CPXM2: variants seen among roughly 807,000 people sequenced by gnomAD.
The protein encoded by CPXM2 is inactive carboxypeptidase-like protein X2.
Under a neutral mutation model 86.1 loss-of-function variants are expected in CPXM2, and 66 were observed. That is an observed-to-expected ratio of 0.77 (90% CI 0.63 to 0.94). The LOEUF (loss-of-function observed/expected upper bound fraction) is 0.94, where lower values mean the gene tolerates loss of function less well. Ranked by LOEUF, CPXM2 falls within the 40% of genes least tolerant of loss-of-function variation. CPXM2 has a pLI of 0.00. For missense variants in CPXM2, 948 were observed against 1,026.3 expected (o/e 0.92, Z 1.04); for synonymous variants, 388 against 400.2 (o/e 0.97, Z 0.36).
At chr10:123,808,769 CA>C (rs1847632264) in intron 4 of CPXM2, among the ~76,000 whole-genome samples, 1 of 152,018 alleles carries the variant, frequency 6.6e-6, no homozygotes, top group South Asian at 2.1e-4. Flanking sequence ...GCAGCATAAA[CA>C]AAAAGCAACA....
chr10:123,892,754 G>T (rs1945295571), upstream of CPXM2, among the ~76,000 whole-genome samples: 1 of 152,210 alleles, frequency 6.6e-6, no homozygotes, highest in African/African-American at 2.4e-5. Context: ...GGCTCACTCA[G>T]GTATTGGCTG....
At chr10:123,747,466 A>T (rs1246176869) in intron 13 of CPXM2, among the ~76,000 whole-genome samples, 3 of 152,146 alleles carry the variant, frequency 2.0e-5, no homozygotes, top group Non-Finnish European at 4.4e-5. Flanking sequence ...CTGGAAAGAG[A>T]AGGAAAGGAC....
intron 6 of CPXM2, among the ~76,000 whole-genome samples, chr10:123,781,359 G>A (rs985365777): frequency 6.6e-6 from 1 of 152,184 alleles, no homozygotes; most frequent in African/African-American, 2.4e-5. Context: ...AGAACACAGG[G>A]CAGAGAGGAG....
chr10:123,941,043 T>C (rs995372871), upstream of CPXM2, among the ~76,000 whole-genome samples: 18 of 152,062 alleles, frequency 1.2e-4, no homozygotes, highest in East Asian at 3.9e-4. Flanking sequence ...TGCTGGTGGG[T>C]GCCTGTAGTC....
intron 2 of CPXM2, among the ~76,000 whole-genome samples, chr10:123,912,485 T>A: frequency 6.6e-6 from 1 of 152,208 alleles, no homozygotes; most frequent in East Asian, 1.9e-4. Flanking sequence ...GGGCCACCCC[T>A]GCATCTGCAG....
intron 13 of CPXM2, chr10:123,750,204 C>G: frequency 1.0e-6 from 1 of 985,384 alleles, no homozygotes; most frequent in Non-Finnish European, 1.2e-6. Context: ...GATAAGCCCT[C>G]TAATTTTTGA....
chr10:123,899,546 G>A (rs887048380), intron 2 of CPXM2, among the ~76,000 whole-genome samples: 2 of 152,252 alleles, frequency 1.3e-5, no homozygotes, highest in African/African-American at 4.8e-5. Context: ...GCTGGGCATG[G>A]TGGCTCATGC....
intron 2 of CPXM2, among the ~76,000 whole-genome samples, chr10:123,897,078 C>T (rs1256321503): frequency 1.3e-5 from 2 of 150,542 alleles, no homozygotes; most frequent in Non-Finnish European, 3.0e-5. Context: ...CCCCCACCCA[C>T]TTTGGCCCAG....
chr10:123,849,841 C>G (rs565225799), intron 3 of CPXM2, among the ~76,000 whole-genome samples: 20 of 152,278 alleles, frequency 1.3e-4, no homozygotes, highest in African/African-American at 4.8e-4. Context: ...TGCAGCTCAA[C>G]CAATTTTGAC....
intron 2 of CPXM2, among the ~76,000 whole-genome samples, chr10:123,924,620 G>C (rs769539891): frequency 1.2e-4 from 19 of 152,162 alleles, no homozygotes; most frequent in Admixed American, 9.8e-4. Flanking sequence ...GATTTTTATG[G>C]AAGTTTCATC....
intron 2 of CPXM2, among the ~76,000 whole-genome samples, chr10:123,931,945 T>C (rs1049464491): frequency 6.6e-6 from 1 of 152,182 alleles, no homozygotes; most frequent in Non-Finnish European, 1.5e-5. Context: ...GATGCTTTAC[T>C]ATGAAGTAAA....
At chr10:123,842,837 C>T (rs1284893532) in intron 3 of CPXM2, among the ~76,000 whole-genome samples, 1 of 152,200 alleles carries the variant, frequency 6.6e-6, no homozygotes, top group Non-Finnish European at 1.5e-5. Context: ...GTGAATCGTT[C>T]CCTCCCAGAA....
intron 3 of CPXM2, among the ~76,000 whole-genome samples, chr10:123,851,916 T>C (rs1454015727): frequency 1.3e-5 from 2 of 151,754 alleles, no homozygotes; most frequent in Non-Finnish European, 2.9e-5. Context: ...ACAGATGATG[T>C]AGAGGCTCAC....
intron 3 of CPXM2, among the ~76,000 whole-genome samples, chr10:123,858,673 G>T (rs1482353688): frequency 3.3e-5 from 5 of 152,132 alleles, no homozygotes; most frequent in Non-Finnish European, 7.3e-5. Flanking sequence ...ATGAAATCAC[G>T]TGCATAAGGC....
At chr10:123,764,917 T>C (rs952985512) in intron 10 of CPXM2, among the ~76,000 whole-genome samples, 7 of 152,238 alleles carry the variant, frequency 4.6e-5, no homozygotes, top group African/African-American at 1.7e-4. Context: ...TTTGCTGTAA[T>C]CCACAAATTT....
At chr10:123,769,091 T>G (rs149373844) in intron 8 of CPXM2, among the ~76,000 whole-genome samples, 48 of 152,318 alleles carry the variant, frequency 3.2e-4, no homozygotes, top group Non-Finnish European at 5.9e-4. Context: ...TAAAATAACT[T>G]CCTATTAAGT....
intron 10 of CPXM2, 147 bp downstream of exon 10, chr10:123,766,826 T>C: frequency 1.6e-6 from 1 of 612,700 alleles, no homozygotes; most frequent in Non-Finnish European, 2.9e-6. Context: ...AGGTAGTTAT[T>C]ATCTAGCATA....
intron 3 of CPXM2, among the ~76,000 whole-genome samples, chr10:123,854,418 T>C (rs1489308611): frequency 8.1e-6 from 1 of 123,502 alleles, no homozygotes; most frequent in African/African-American, 3.1e-5. Flanking sequence ...ATATATAAAA[T>C]ATATAATATA....
intron 4 of CPXM2, among the ~76,000 whole-genome samples, chr10:123,819,861 T>A (rs1424824068): frequency 6.6e-6 from 1 of 152,200 alleles, no homozygotes; most frequent in African/African-American, 2.4e-5. Flanking sequence ...ATCCTGGGCA[T>A]GTCTGTGAGG....
Sources: allele counts gnomAD v4.1 joint callset (sites outside exome capture counted in the v4.1 genomes callset), GRCh38; gene constraint gnomAD v4.1.1; transcripts MANE v1.5; gene names NCBI Gene and HGNC (gene_info 2026-07-23, HGNC 2026-07-21).